Variants in MET observed in about 807,000 individuals in gnomAD.
MET encodes the protein MET proto-oncogene, receptor tyrosine kinase, also known as hepatocyte growth factor receptor.
MET carries 48 observed loss-of-function variants against 133.1 expected under a neutral mutation model. That is an observed-to-expected ratio of 0.36 (90% CI 0.29 to 0.46). The LOEUF is 0.46. Among genes scored for constraint, MET ranks in the 20% least tolerant of loss-of-function variants. MET has a pLI of 1.00. For synonymous variants in MET, 628 were observed against 616.5 expected (o/e 1.02, Z -0.28); for missense variants, 1,442 against 1,695.9 (o/e 0.85, Z 2.63).
chr7:116,699,364 G>T lies in MET; in HGVS notation c.280G>T (p.Asp94Tyr), dbSNP rs899151863. Residue 94 changes from aspartate (D) to tyrosine (Y), a missense_variant, in exon 2 of 21, where the codon GAT becomes TAT. By Grantham distance (160) the Asp-to-Tyr change is radical (BLOSUM62 -3). Coordinates refer to ENST00000397752, the MANE Select transcript of MET (RefSeq NM_000245.4). Reference sequence around the variant, plus strand: ...GACTGGGCCTGTGCTGGAACACCCAGATTGTTTCCCATGTCAGGACTGCAG... The same window carrying T: ...GACTGGGCCTGTGCTGGAACACCCATATTGTTTCCCATGTCAGGACTGCAG... Reference protein sequence around the residue: ...YKTGPVLEHPDCFPCQDCSSK... With the variant: ...YKTGPVLEHPYCFPCQDCSSK... 3.1e-6 allele frequency: 5 copies of T among 1,614,032 alleles called. No individual in the cohort carries two copies. Among genetic ancestry groups the T allele is most frequent in the Non-Finnish European group, 4.2e-6 (5 of 1,179,954 alleles).
chr7:116,673,103 T>A (rs1163321111), intron 1 of MET, among the ~76,000 whole-genome samples: 6 of 152,206 alleles, frequency 3.9e-5, no homozygotes, highest in Admixed American at 6.5e-5. Context: ...TTTCTGGGGC[T>A]TGTGGTGGAC....
chr7:116,690,452 T>C (rs1016611181), intron 1 of MET, among the ~76,000 whole-genome samples: 3 of 152,226 alleles, frequency 2.0e-5, no homozygotes, highest in Non-Finnish European at 4.4e-5. Flanking sequence ...TGTTTAAATG[T>C]GATTATACCA....
At chr7:116,700,322 T>C (rs1392252263) in intron 2 of MET, 38 bp downstream of exon 2, 2 of 1,581,712 alleles carry the variant, frequency 1.3e-6, no homozygotes, top group Non-Finnish European at 1.7e-6. Context: ...AACTGTGAGG[T>C]ATAAATTAGA....
chr7:116,726,638 A>T (rs1239211431), intron 2 of MET, among the ~76,000 whole-genome samples: 1 of 152,166 alleles, frequency 6.6e-6, no homozygotes, highest in African/African-American at 2.4e-5. Context: ...CAAGGACCCA[A>T]GAAATGGGAG....
At chr7:116,744,409 C>A (rs1382340136) in intron 5 of MET, among the ~76,000 whole-genome samples, 6 of 151,824 alleles carry the variant, frequency 4.0e-5, no homozygotes, top group Non-Finnish European at 8.8e-5. Context: ...GTATCAATAG[C>A]CAAATCAATC....
At chr7:116,775,186 G>A (rs1794957631) in intron 15 of MET, 75 bp downstream of exon 15, 2 of 1,397,932 alleles carry the variant, frequency 1.4e-6, no homozygotes, top group Non-Finnish European at 1.0e-6. Flanking sequence ...TTGCAGATTA[G>A]GAACTTAGAC....
chr7:116,727,861 T>A (rs1792853875), intron 2 of MET, among the ~76,000 whole-genome samples: 1 of 152,226 alleles, frequency 6.6e-6, no homozygotes, highest in Non-Finnish European at 1.5e-5. Flanking sequence ...ACATAATGAA[T>A]CAGACTGAGA....
intron 5 of MET, among the ~76,000 whole-genome samples, chr7:116,754,927 GAAAGAAA>G (rs1794083624): frequency 7.0e-6 from 1 of 142,262 alleles, no homozygotes; most frequent in African/African-American, 2.6e-5. Context: ...AAGAAAGAAA[GAAAGAAA>G]GAAAGAAAGA....
At chr7:116,791,331 T>A (rs1795485062) in intron 19 of MET, among the ~76,000 whole-genome samples, 1 of 152,054 alleles carries the variant, frequency 6.6e-6, no homozygotes, top group African/African-American at 2.4e-5. Flanking sequence ...TCCATAAGAG[T>A]TCCAGTTGTT....
chr7:116,698,881 T>C (rs1220332878), intron 1 of MET, among the ~76,000 whole-genome samples, 190 bp from the exon 2 acceptor site: 1 of 152,240 alleles, frequency 6.6e-6, no homozygotes, highest in African/African-American at 2.4e-5. Flanking sequence ...GTTCTAAAAT[T>C]AAACTATGTG....
intron 1 of MET, among the ~76,000 whole-genome samples, chr7:116,698,731 C>T (rs1442364503): frequency 2.0e-5 from 3 of 152,202 alleles, no homozygotes; most frequent in Admixed American, 2.0e-4. Flanking sequence ...CGTTAAACAA[C>T]CAGCAAGGGG....
At chr7:116,735,300 T>C (rs1465439333) in intron 3 of MET, among the ~76,000 whole-genome samples, 1 of 152,200 alleles carries the variant, frequency 6.6e-6, no homozygotes, top group Non-Finnish European at 1.5e-5. Flanking sequence ...ACTGGACTAG[T>C]TGGATCTTAA....
intron 2 of MET, among the ~76,000 whole-genome samples, chr7:116,727,117 C>G (rs940081872): frequency 6.6e-6 from 1 of 152,120 alleles, no homozygotes; most frequent in Non-Finnish European, 1.5e-5. Context: ...GTACAGAATG[C>G]GAGTGGTTAT....
chr7:116,767,792 T>C (rs1794679030), intron 11 of MET, among the ~76,000 whole-genome samples: 1 of 150,774 alleles, frequency 6.6e-6, no homozygotes, highest in East Asian at 1.9e-4. Flanking sequence ...AATTTCTAAA[T>C]ATAAGTTTTT....
chr7:116,713,161 C>T (rs552517794), intron 2 of MET, among the ~76,000 whole-genome samples: 2 of 152,052 alleles, frequency 1.3e-5, no homozygotes, highest in South Asian at 4.1e-4. Flanking sequence ...TTTGGGAGGC[C>T]GAGGTGGGCG....
intron 19 of MET, among the ~76,000 whole-genome samples, chr7:116,791,512 T>C (rs938472264): frequency 6.6e-6 from 1 of 152,208 alleles, no homozygotes; most frequent in African/African-American, 2.4e-5. Flanking sequence ...GTAAAGTGTC[T>C]ACTCAAATCT....
At chr7:116,710,404 C>T (rs1038845936) in intron 2 of MET, among the ~76,000 whole-genome samples, 10 of 151,946 alleles carry the variant, frequency 6.6e-5, no homozygotes, top group Non-Finnish European at 1.5e-4. Context: ...AAAGTAATAC[C>T]GTAGTATGGT....
At chr7:116,686,038 C>T (rs1272828855) in intron 1 of MET, among the ~76,000 whole-genome samples, 2 of 152,172 alleles carry the variant, frequency 1.3e-5, no homozygotes, top group Non-Finnish European at 2.9e-5. Context: ...CAGCTGGCCT[C>T]ACCACTCCAC....
intron 11 of MET, 24 bp from the exon 12 acceptor site, chr7:116,769,621 C>CA (rs755382741): frequency 9.2e-6 from 14 of 1,518,318 alleles, no homozygotes; most frequent in Admixed American, 7.1e-5. Flanking sequence ...TGTTAACAAC[C>CA]TTTTTTTTTT....
Sources: gnomAD v4.1 joint callset for allele counts (sites outside exome capture counted in the v4.1 genomes callset) on GRCh38, gnomAD v4.1.1 for gene constraint, MANE v1.5 for transcripts, NCBI Gene and HGNC (gene_info 2026-07-23, HGNC 2026-07-21) for gene names.